Variants in CTNNA1 observed in about 807,000 individuals in gnomAD.
The protein encoded by CTNNA1 is catenin alpha 1.
In CTNNA1, 37 loss-of-function variants were observed where a neutral mutation model predicts 98.4. That is an observed-to-expected ratio of 0.38 (90% confidence interval 0.29 to 0.49). The LOEUF is 0.49. CTNNA1 is among the 20% of genes least tolerant of loss of function. CTNNA1 has a pLI of 0.95. For synonymous variants in CTNNA1, 404 were observed against 413.2 expected, an observed-to-expected ratio of 0.98 and a Z score of 0.27; for missense variants, 761 against 1,147.2, an observed-to-expected ratio of 0.66 and a Z score of 4.86.
chr5:138,862,195 G>A (rs541501694), intron 7 of CTNNA1, among the ~76,000 whole-genome samples: 6 of 152,220 alleles, frequency 3.9e-5, no homozygotes, highest in East Asian at 1.9e-4. Context: ...ACCCTCCTGC[G>A]TGCATTGAAC....
chr5:138,844,148 T>A (rs1022885050), intron 7 of CTNNA1, among the ~76,000 whole-genome samples: 3 of 152,102 alleles, frequency 2.0e-5, no homozygotes, highest in Middle Eastern at 3.2e-3. Flanking sequence ...TTTAAAAATT[T>A]AAAAATTTTT....
intron 7 of CTNNA1, among the ~76,000 whole-genome samples, chr5:138,847,127 G>A (rs1320576974): frequency 6.6e-6 from 1 of 152,208 alleles, no homozygotes; most frequent in African/African-American, 2.4e-5. Flanking sequence ...AAAAAAAGAT[G>A]TAGCAGAAGT....
At chr5:138,897,960 G>T (rs1424751881) in intron 9 of CTNNA1, among the ~76,000 whole-genome samples, 1 of 152,194 alleles carries the variant, frequency 6.6e-6, no homozygotes, top group African/African-American at 2.4e-5. Context: ...CCAGAAAAGA[G>T]ATGCAGTTTG....
In CTNNA1 at chr5:138,874,482, G is replaced by A; in HGVS notation, c.1063-11730G>A. 1.2e-6 allele frequency: 2 copies of A among 1,612,024 alleles called. No individual in the cohort carries two copies. The highest frequency in any genetic ancestry group is 1.7e-5 in the Admixed American group (1 of 59,680). On this transcript the variant is annotated intron_variant, in intron 7 of 17. Coordinates refer to ENST00000302763, the MANE Select transcript of CTNNA1 (RefSeq NM_001903.5). The surrounding 1 kb of genome is among the most constrained non-coding windows in gnomAD (Gnocchi z 4.1). Reference sequence around the variant, plus strand: ...GGACACGCCATACCCAGGGCAGGCAGCATTTTTAAAACCATACTCATTGCA... The same window carrying A: ...GGACACGCCATACCCAGGGCAGGCAACATTTTTAAAACCATACTCATTGCA...
At chr5:138,856,195 T>A (rs1301609630) in intron 7 of CTNNA1, among the ~76,000 whole-genome samples, 1 of 152,246 alleles carries the variant, frequency 6.6e-6, no homozygotes, top group Non-Finnish European at 1.5e-5. Flanking sequence ...GCAGTTCTGC[T>A]GAGATTTCCA....
At chr5:138,755,458 C>T (rs1751527673) in intron 1 of CTNNA1, among the ~76,000 whole-genome samples, 1 of 152,052 alleles carries the variant, frequency 6.6e-6, no homozygotes, top group African/African-American at 2.4e-5. Flanking sequence ...TCTTTCTTTT[C>T]CTCGCCCTCA....
At chr5:138,808,130 GT>G (rs1332252672) in intron 3 of CTNNA1, among the ~76,000 whole-genome samples, 5 of 152,264 alleles carry the variant, frequency 3.3e-5, no homozygotes, top group Admixed American at 1.3e-4. Context: ...TGAGTAAATA[GT>G]TTTCTTCAGC....
In CTNNA1 at chr5:138,805,557, G is replaced by C. The variant is rs550898222; in HGVS notation, c.302-4481G>C. Reference sequence around the variant, plus strand: ...CTTGTTGGCCATTTCTAAATCTTCAGACAGGCACCTGTTTAAATCCTTTGC... The same window carrying C: ...CTTGTTGGCCATTTCTAAATCTTCACACAGGCACCTGTTTAAATCCTTTGC... On this transcript the variant is annotated intron_variant, in intron 3 of 17. Coordinates refer to ENST00000302763, the MANE Select transcript of CTNNA1 (RefSeq NM_001903.5). Among the ~76,000 whole-genome samples, 3 of 152,070 alleles carry C rather than the reference G, an allele frequency of 2.0e-5. No homozygotes were observed. The South Asian group carries it at 6.2e-4, about 32-fold the overall frequency.
intron 7 of CTNNA1, among the ~76,000 whole-genome samples, chr5:138,842,884 C>T (rs1207442845): frequency 1.3e-5 from 2 of 152,176 alleles, no homozygotes; most frequent in African/African-American, 2.4e-5. Context: ...ACAGGGCTTT[C>T]ATATTGGCCA....
At chr5:138,789,183 GTTT>G (rs200967324) in intron 3 of CTNNA1, among the ~76,000 whole-genome samples, 2 of 67,806 alleles carry the variant, frequency 2.9e-5, no homozygotes, top group African/African-American at 1.5e-4. Context: ...TGTTTTTCCT[GTTT>G]TTCCCCCCCC....
At chr5:138,832,794 T>G (rs1581198699) in intron 7 of CTNNA1, among the ~76,000 whole-genome samples, 1 of 152,316 alleles carries the variant, frequency 6.6e-6, no homozygotes, top group South Asian at 2.1e-4. Context: ...GTTAAAACAG[T>G]CTGCTGTCTG....
intron 10 of CTNNA1, among the ~76,000 whole-genome samples, chr5:138,905,687 G>A (rs1759089678): frequency 1.3e-5 from 2 of 152,252 alleles, no homozygotes; most frequent in South Asian, 4.1e-4. Flanking sequence ...ACACATGACA[G>A]CGAATGCTTT....
chr5:138,796,047 ATTC>A (rs1427002589), intron 3 of CTNNA1, among the ~76,000 whole-genome samples: 4 of 152,176 alleles, frequency 2.6e-5, no homozygotes, highest in East Asian at 1.9e-4. Context: ...AATATTAAGT[ATTC>A]TTCTACAACA....
intron 5 of CTNNA1, 66 bp downstream of exon 5, chr5:138,812,368 CTG>C: frequency 6.5e-7 from 1 of 1,537,336 alleles, no homozygotes; most frequent in African/African-American, 1.4e-5. Context: ...AAAACTCATT[CTG>C]TGTGTTTTCT....
chr5:138,763,237 A>G (rs1007888261), intron 1 of CTNNA1, among the ~76,000 whole-genome samples: 7 of 152,194 alleles, frequency 4.6e-5, no homozygotes, highest in Non-Finnish European at 8.8e-5. Flanking sequence ...AAGTGCTGTT[A>G]TAACTCAGAA....
chr5:138,930,740 G>A, intron 15 of CTNNA1, 86 bp downstream of exon 15: 2 of 1,541,510 alleles, frequency 1.3e-6, no homozygotes, highest in Non-Finnish European at 1.8e-6. Context: ...GACAGCCCAG[G>A]CCATGGGGCT....
At chr5:138,923,703 C>G (rs1763388597) in intron 11 of CTNNA1, among the ~76,000 whole-genome samples, 2 of 152,184 alleles carry the variant, frequency 1.3e-5, no homozygotes, top group Non-Finnish European at 2.9e-5. Flanking sequence ...CATTTATCCA[C>G]CCTTCTCTTG....
chr5:138,922,955 A>G (rs1297081512), intron 11 of CTNNA1, among the ~76,000 whole-genome samples: 3 of 151,626 alleles, frequency 2.0e-5, no homozygotes, highest in South Asian at 4.2e-4. Context: ...CCGTAGAAGT[A>G]TCTAGACAAA....
intron 10 of CTNNA1, among the ~76,000 whole-genome samples, chr5:138,907,162 C>T (rs1446787451): frequency 6.6e-6 from 1 of 152,156 alleles, no homozygotes; most frequent in Non-Finnish European, 1.5e-5. Context: ...GCTGGAATTA[C>T]AGGCATGTGC....
Sources: allele counts gnomAD v4.1 joint callset (sites outside exome capture counted in the v4.1 genomes callset), GRCh38; gene constraint gnomAD v4.1.1; non-coding constraint Gnocchi (gnomAD v3.1); transcripts MANE v1.5; gene names NCBI Gene and HGNC (gene_info 2026-07-23, HGNC 2026-07-21).